ROR1: variants seen among roughly 807,000 people sequenced by gnomAD.
The protein encoded by ROR1 is ROR family WNT receptor 1.
ROR1 carries 19 observed loss-of-function variants against 78.8 expected under a neutral mutation model. That is an observed-to-expected ratio of 0.24 (90% CI 0.17 to 0.35). The LOEUF is 0.35. Ranked by LOEUF, ROR1 falls within the 10% of genes least tolerant of loss-of-function variation. The pLI, the probability that ROR1 is intolerant of heterozygous loss-of-function variation, is 1.00. For synonymous variants in ROR1, 386 were observed against 433.6 expected (o/e 0.89, Z 1.36); for missense variants, 917 against 1,177.8 (o/e 0.78, Z 3.24).
At chr1:64,084,460 T>C (rs1647133784) in intron 4 of ROR1, among the ~76,000 whole-genome samples, 1 of 152,220 alleles carries the variant, frequency 6.6e-6, no homozygotes, top group Non-Finnish European at 1.5e-5. Flanking sequence ...AAATTATTGT[T>C]TCATTAATAT....
chr1:63,817,703 TG>T (rs1158088405), intron 1 of ROR1, among the ~76,000 whole-genome samples: 1 of 152,312 alleles, frequency 6.6e-6, no homozygotes, highest in South Asian at 2.1e-4. Context: ...GTGCAGTTAC[TG>T]GGACTCACTC....
rs774590418 is a variant in ROR1, at chr1:64,178,179, G to A, written c.2138G>A (p.Cys713Tyr). ...GTGAGAAAACGGCAGCTCTTACCAT[G>A]CTCTGAAGACTGCCCACCCAGAATG... is the stretch of plus-strand genomic sequence containing the variant. ...EMVRKRQLLP[C>Y]SEDCPPRMYS... is the part of the protein sequence containing the mutation. Residue 713 changes from cysteine to tyrosine, a missense_variant, in exon 9 of 9, where the codon TGC becomes TAC. By Grantham distance (194) the Cys-to-Tyr change is radical. Transcript: ENST00000371079. The surrounding 1 kb of genome is among the most constrained non-coding windows in gnomAD (Gnocchi z 4.3). 1 of 1,614,162 alleles carries A rather than the reference G, an allele frequency of 6.2e-7. No homozygotes were observed. Among genetic ancestry groups the A allele is most frequent in the Non-Finnish European group, 8.5e-7 (1 of 1,180,020 alleles).
At chr1:64,072,702 T>C (rs1486138537) in intron 4 of ROR1, among the ~76,000 whole-genome samples, 1 of 151,868 alleles carries the variant, frequency 6.6e-6, no homozygotes, top group Admixed American at 6.6e-5. Flanking sequence ...AGAGCCGGGG[T>C]TATCTGTACC....
At chr1:63,924,480 G>C (rs545918258) in intron 1 of ROR1, among the ~76,000 whole-genome samples, 1 of 152,196 alleles carries the variant, frequency 6.6e-6, no homozygotes, top group East Asian at 1.9e-4. Flanking sequence ...GGACAGGCCT[G>C]ATGGGAAGGG....
chr1:63,810,985 A>T (rs1644856824), intron 1 of ROR1, among the ~76,000 whole-genome samples: 1 of 152,226 alleles, frequency 6.6e-6, no homozygotes, highest in Non-Finnish European at 1.5e-5. Flanking sequence ...GGTCTCCCCC[A>T]GGTTCTGCAA....
intron 4 of ROR1, among the ~76,000 whole-genome samples, chr1:64,069,799 G>C (rs1646987588): frequency 6.6e-6 from 1 of 152,096 alleles, no homozygotes; most frequent in Non-Finnish European, 1.5e-5. Flanking sequence ...TGGCTTTCCT[G>C]GGAAATCTCC....
chr1:63,889,346 G>T (rs1569865386), intron 1 of ROR1, among the ~76,000 whole-genome samples: 2 of 152,184 alleles, frequency 1.3e-5, no homozygotes, highest in Non-Finnish European at 2.9e-5. Flanking sequence ...TTGAAGGCTG[G>T]TTACCATAGG....
At chr1:64,005,914 C>T (rs1646423538) in intron 1 of ROR1, among the ~76,000 whole-genome samples, 1 of 152,116 alleles carries the variant, frequency 6.6e-6, no homozygotes, top group Non-Finnish European at 1.5e-5. Flanking sequence ...AAGTTGAGAA[C>T]AAAACTCCCC....
At chr1:63,835,333 C>A (rs1645013639) in intron 1 of ROR1, among the ~76,000 whole-genome samples, 1 of 152,144 alleles carries the variant, frequency 6.6e-6, no homozygotes, top group African/African-American at 2.4e-5. Context: ...GAACTGGAAT[C>A]CACACACACC....
chr1:63,965,217 A>G (rs145404293), intron 1 of ROR1, among the ~76,000 whole-genome samples: 2,187 of 152,278 alleles, frequency 0.014, 45 homozygotes, highest in Admixed American at 0.024. Flanking sequence ...GCAGAGCTCA[A>G]ATCCAGCTCT....
chr1:63,912,267 C>T (rs1298429451), intron 1 of ROR1, among the ~76,000 whole-genome samples: 1 of 149,790 alleles, frequency 6.7e-6, no homozygotes, highest in Non-Finnish European at 1.5e-5. Context: ...CATTGTACTC[C>T]AGCCTGTTCA....
chr1:63,959,884 GTCC>G (rs977439008), intron 1 of ROR1, among the ~76,000 whole-genome samples: 6 of 152,252 alleles, frequency 3.9e-5, no homozygotes, highest in South Asian at 2.1e-4. Context: ...AACCTGGAGT[GTCC>G]TCCTCATCCC....
At chr1:63,939,372 T>C (rs1645818450) in intron 1 of ROR1, among the ~76,000 whole-genome samples, 1 of 152,148 alleles carries the variant, frequency 6.6e-6, no homozygotes, top group Non-Finnish European at 1.5e-5. Context: ...GAGTATGGAC[T>C]ATTTTTTCGA....
rs757766283 is a variant in ROR1, at chr1:63,871,413, T to A, written c.91+96905T>A. On this transcript the variant is annotated intron_variant, in intron 1 of 8. Transcript: ENST00000371079. ...GTTACAATGGGAGTAAATAGAGGGA[T>A]GTTGTGAGCAAAGAACTTGATTGGT... is the stretch of plus-strand genomic sequence containing the variant. 3.7e-4 allele frequency among the ~76,000 whole-genome samples: 56 copies of A among 152,078 alleles called. 1 individual carries two copies. The highest frequency in any genetic ancestry group is 1.2e-4 in the Non-Finnish European group (8 of 68,016).
intron 2 of ROR1, among the ~76,000 whole-genome samples, chr1:64,015,977 A>G (rs1032781339): frequency 6.6e-6 from 1 of 152,172 alleles, no homozygotes; most frequent in African/African-American, 2.4e-5. Flanking sequence ...TCTAGCATAT[A>G]TAGGTGCTCA....
At chr1:63,921,111 T>C (rs1645650958) in intron 1 of ROR1, among the ~76,000 whole-genome samples, 2 of 152,220 alleles carry the variant, frequency 1.3e-5, no homozygotes, top group Non-Finnish European at 2.9e-5. Context: ...CCAGACACCA[T>C]GATTAAAGGA....
At chr1:64,075,721 A>G (rs775807685) in intron 4 of ROR1, among the ~76,000 whole-genome samples, 9 of 152,162 alleles carry the variant, frequency 5.9e-5, no homozygotes, top group Non-Finnish European at 1.3e-4. Flanking sequence ...TAAGTGTATC[A>G]ACTTGCTCTT....
chr1:64,044,628 A>T (rs1039912001), intron 2 of ROR1, among the ~76,000 whole-genome samples: 2 of 152,216 alleles, frequency 1.3e-5, no homozygotes, highest in Non-Finnish European at 2.9e-5. Context: ...CCTGCCAAGT[A>T]CTATGACTGT....
chr1:64,111,061 A>C (rs541622547), intron 4 of ROR1: 3 of 151,936 alleles, frequency 2.0e-5, no homozygotes. Flanking sequence ...TCTTTCTTCT[A>C]TCAGAAATCC....
Sources: allele counts gnomAD v4.1 joint callset (sites outside exome capture counted in the v4.1 genomes callset), GRCh38; gene constraint gnomAD v4.1.1; non-coding constraint Gnocchi (gnomAD v3.1); transcripts MANE v1.5; gene names NCBI Gene and HGNC (gene_info 2026-07-23, HGNC 2026-07-21).